The following UNC5D variants were observed in gnomAD, a reference collection of about 807,000 sequenced individuals.
The protein encoded by UNC5D is netrin receptor UNC5D.
In UNC5D, 39 loss-of-function variants were observed where a neutral mutation model predicts 105.4. The ratio of observed to expected loss-of-function variants is 0.37; its 90% CI spans 0.29 to 0.48. The LOEUF (loss-of-function observed/expected upper bound fraction) is 0.48, where lower values mean the gene tolerates loss of function less well. Ranked by LOEUF, UNC5D falls within the 20% of genes least tolerant of loss-of-function variation. UNC5D has a pLI of 0.98. For missense variants in UNC5D, 991 were observed against 1,202.4 expected (o/e 0.82, Z 2.60); for synonymous variants, 452 against 450.4 (o/e 1.00, Z -0.04).
intron 1 of UNC5D, among the ~76,000 whole-genome samples, chr8:35,241,063 G>A (rs899721150): frequency 2.0e-5 from 3 of 152,136 alleles, no homozygotes; most frequent in African/African-American, 7.2e-5. Context: ...TGTTTGCCAG[G>A]GAAATGTGGA....
At chr8:35,465,848 G>A (rs1236504998) in intron 1 of UNC5D, among the ~76,000 whole-genome samples, 1 of 152,164 alleles carries the variant, frequency 6.6e-6, no homozygotes, top group African/African-American at 2.4e-5. Flanking sequence ...AGGAGTTAGA[G>A]GGGGATGTTA....
intron 7 of UNC5D, among the ~76,000 whole-genome samples, chr8:35,702,630 G>A (rs1348384159): frequency 6.6e-6 from 1 of 152,192 alleles, no homozygotes; most frequent in African/African-American, 2.4e-5. Flanking sequence ...AAAGATCATA[G>A]AGTGGGTACT....
In UNC5D at chr8:35,262,917, C is replaced by G. The variant is rs544915950; in HGVS notation, c.103+27030C>G. Among the ~76,000 whole-genome samples, 43 of 152,220 alleles carry G rather than the reference C, an allele frequency of 2.8e-4. 1 individual carries two copies. Among genetic ancestry groups the G allele is most frequent in the South Asian group, 1.5e-3 (7 of 4,822 alleles). ...AGTACCAGAAATCTATTTCTAAAAGCCTCTTGTTATTTTATCACTCCCCAA... is the reference window on the plus strand; with the variant it reads ...AGTACCAGAAATCTATTTCTAAAAGGCTCTTGTTATTTTATCACTCCCCAA... On this transcript the variant is annotated intron_variant, in intron 1 of 16. Transcript: ENST00000404895.
rs1821019790 is a variant in UNC5D at position 35,616,281 on chromosome 8, A to T, written c.570+20624A>T. On this transcript the variant is annotated intron_variant, in intron 4 of 16. Transcript: ENST00000404895. The stretch of plus-strand genomic sequence containing the variant: ...TAAACTTTACCTGATAAAGCGCTTT[A>T]TGTGTCAGATATTGTGTGCTGAGCA... 2.0e-5 allele frequency among the ~76,000 whole-genome samples: 3 copies of T among 152,210 alleles called. No individual in the cohort carries two copies. In the South Asian group the frequency reaches 6.2e-4, roughly 32 times the overall value.
chr8:35,716,761 C>G (rs538164810), intron 8 of UNC5D, among the ~76,000 whole-genome samples: 9 of 152,080 alleles, frequency 5.9e-5, no homozygotes, highest in Non-Finnish European at 1.3e-4. Context: ...CTAAAGACTG[C>G]AAATATAATT....
chr8:35,759,615 G>A, intron 14 of UNC5D, 146 bp downstream of exon 14: 4 of 942,976 alleles, frequency 4.2e-6, no homozygotes, highest in South Asian at 1.6e-5. Context: ...TAACAGTTTG[G>A]ACTACACACA....
rs559967645 is a variant in UNC5D at position 35,486,093 on chromosome 8, C to T, written c.104-63199C>T. Among the ~76,000 whole-genome samples, 93 of 152,232 alleles carry T rather than the reference C, an allele frequency of 6.1e-4. 1 individual carries two copies. Among genetic ancestry groups the T allele is most frequent in the South Asian group, 1.0e-3 (5 of 4,822 alleles). Reference sequence around the variant, plus strand: ...TATGGATTATTATTCTGCTTTGATTCATATCAGGGTTCCCATATAAGGAGA... The same window carrying T: ...TATGGATTATTATTCTGCTTTGATTTATATCAGGGTTCCCATATAAGGAGA... On this transcript the variant is annotated intron_variant, in intron 1 of 16. Transcript: ENST00000404895.
intron 1 of UNC5D, among the ~76,000 whole-genome samples, chr8:35,278,314 C>A (rs1442317906): frequency 3.9e-5 from 6 of 152,322 alleles, no homozygotes; most frequent in African/African-American, 1.4e-4. Context: ...ATCACTTCCA[C>A]AACCTTCCCA....
intron 4 of UNC5D, among the ~76,000 whole-genome samples, chr8:35,646,136 C>T (rs1823033653): frequency 6.6e-6 from 1 of 152,124 alleles, no homozygotes; most frequent in Non-Finnish European, 1.5e-5. Context: ...GTAGATTTAA[C>T]ACTTTCTGAG....
At chr8:35,754,118 T>G (rs1261717348) in intron 13 of UNC5D, among the ~76,000 whole-genome samples, 1 of 152,230 alleles carries the variant, frequency 6.6e-6, no homozygotes, top group Non-Finnish European at 1.5e-5. Context: ...AACAGTTCCC[T>G]TTTTGAACCC....
At chr8:35,539,547 G>A (rs1256059384) in intron 1 of UNC5D, among the ~76,000 whole-genome samples, 2 of 152,166 alleles carry the variant, frequency 1.3e-5, no homozygotes, top group Non-Finnish European at 2.9e-5. Flanking sequence ...AGTGCAAAGA[G>A]GTTTTTATCC....
intron 4 of UNC5D, among the ~76,000 whole-genome samples, chr8:35,604,000 T>A (rs1170236311): frequency 6.6e-6 from 1 of 152,262 alleles, no homozygotes; most frequent in Non-Finnish European, 1.5e-5. Flanking sequence ...TTTATCCAGA[T>A]TGCCAGTCTG....
At chr8:35,238,454 G>C (rs1170182333) in intron 1 of UNC5D, among the ~76,000 whole-genome samples, 1 of 152,224 alleles carries the variant, frequency 6.6e-6, no homozygotes, top group Non-Finnish European at 1.5e-5. Context: ...TCGGCATATT[G>C]TAAGGAAGGC....
chr8:35,706,312 G>C (rs1586489307), intron 8 of UNC5D, among the ~76,000 whole-genome samples: 1 of 152,170 alleles, frequency 6.6e-6, no homozygotes, highest in African/African-American at 2.4e-5. Context: ...TTGGGCAAAA[G>C]CCTGACTACA....
intron 4 of UNC5D, among the ~76,000 whole-genome samples, chr8:35,624,879 G>A (rs1244518596): frequency 6.6e-6 from 1 of 152,112 alleles, no homozygotes; most frequent in Non-Finnish European, 1.5e-5. Flanking sequence ...ATATATATGT[G>A]ACTACATAAA....
chr8:35,329,999 CT>C (rs550847620), intron 1 of UNC5D, among the ~76,000 whole-genome samples: 1 of 152,136 alleles, frequency 6.6e-6, no homozygotes, highest in Non-Finnish European at 1.5e-5. Context: ...CACAATGACC[CT>C]GTGAGGTAGG....
rs1804494378 is a variant in UNC5D, at chr8:35,261,531, C to G, written c.103+25644C>G. Among the ~76,000 whole-genome samples, 3 of 151,988 alleles carry G rather than the reference C, an allele frequency of 2.0e-5. No homozygotes were observed. The South Asian group carries it at 6.2e-4, about 32-fold the overall frequency. On this transcript the variant is annotated intron_variant, in intron 1 of 16. Coordinates refer to ENST00000404895, the MANE Select transcript of UNC5D (RefSeq NM_080872.4). ...TAAACAGCAGTTTATTATGCTAGAG[C>G]CAGCCAGAGCTATTTCTCAATGGGA...
intron 1 of UNC5D, among the ~76,000 whole-genome samples, chr8:35,476,485 G>A (rs574020007): frequency 2.0e-5 from 3 of 152,232 alleles, no homozygotes; most frequent in South Asian, 2.1e-4. Flanking sequence ...TATATGATAC[G>A]CCAATAAGGA....
intron 1 of UNC5D, among the ~76,000 whole-genome samples, chr8:35,507,136 A>G (rs928920498): frequency 2.8e-5 from 4 of 141,596 alleles, no homozygotes; most frequent in African/African-American, 5.4e-5. Context: ...GCTCACTGCA[A>G]GCTCCGCCTC....
Sources: gnomAD v4.1 joint callset for allele counts (sites outside exome capture counted in the v4.1 genomes callset) on GRCh38, gnomAD v4.1.1 for gene constraint, MANE v1.5 for transcripts, NCBI Gene and HGNC (gene_info 2026-07-23, HGNC 2026-07-21) for gene names.